AKAP6: variants seen among roughly 807,000 people sequenced by gnomAD.
AKAP6 encodes the protein A-kinase anchor protein 6.
In AKAP6, 58 loss-of-function variants were observed where a neutral mutation model predicts 188.5. That is an observed-to-expected ratio of 0.31 (90% CI 0.25 to 0.38). The LOEUF (loss-of-function observed/expected upper bound fraction) is 0.38. AKAP6 is among the 10% of genes least tolerant of loss of function. The pLI, the probability that AKAP6 is intolerant of heterozygous loss-of-function variation, is 1.00. For missense variants in AKAP6, 2,710 were observed against 2,740.0 expected, an observed-to-expected ratio of 0.99 and a Z score of 0.24; for synonymous variants, 989 against 998.6, an observed-to-expected ratio of 0.99 and a Z score of 0.18.
At chr14:32,690,546 A>G (rs1890135192) in intron 8 of AKAP6, among the ~76,000 whole-genome samples, 1 of 152,128 alleles carries the variant, frequency 6.6e-6, no homozygotes, top group Non-Finnish European at 1.5e-5. Flanking sequence ...TATTTATAAA[A>G]GCCCTGGAAT....
intron 3 of AKAP6, among the ~76,000 whole-genome samples, chr14:32,537,929 A>G (rs1882759494): frequency 1.3e-5 from 2 of 152,228 alleles, no homozygotes; most frequent in South Asian, 4.1e-4. Flanking sequence ...ATCTATTCTC[A>G]CAACACGAAC....
chr14:32,475,719 C>T (rs1300847407), intron 2 of AKAP6, among the ~76,000 whole-genome samples: 1 of 149,078 alleles, frequency 6.7e-6, no homozygotes, highest in Non-Finnish European at 1.5e-5. Context: ...CGCTGTGTCA[C>T]CCAGGCTGGA....
chr14:32,807,242 C>T (rs749185708), intron 12 of AKAP6, among the ~76,000 whole-genome samples: 7 of 151,146 alleles, frequency 4.6e-5, no homozygotes, highest in Non-Finnish European at 7.4e-5. Context: ...GAGAAGATTG[C>T]CTGAGTGCAG....
intron 1 of AKAP6, among the ~76,000 whole-genome samples, chr14:32,367,770 C>T (rs1379052289): frequency 6.6e-6 from 1 of 152,136 alleles, no homozygotes; most frequent in African/African-American, 2.4e-5. Flanking sequence ...TGCACTGGGG[C>T]CTTTTTTGGA....
chr14:32,452,012 T>A (rs1890953623), intron 2 of AKAP6, among the ~76,000 whole-genome samples: 1 of 13,788 alleles, frequency 7.3e-5, no homozygotes, highest in Non-Finnish European at 1.4e-4. Context: ...TTTCTTTACA[T>A]TTTTTTTTTT....
chr14:32,585,181 C>T (rs574918005), intron 5 of AKAP6, among the ~76,000 whole-genome samples: 3 of 152,266 alleles, frequency 2.0e-5, no homozygotes, highest in South Asian at 4.1e-4. Flanking sequence ...AGTTGTTATG[C>T]ATACCTAATT....
At chr14:32,729,564 G>A (rs983214678) in intron 9 of AKAP6, among the ~76,000 whole-genome samples, 2 of 152,026 alleles carry the variant, frequency 1.3e-5, no homozygotes, top group African/African-American at 4.8e-5. Flanking sequence ...ACACAGGGAT[G>A]GCATTTAGAA....
chr14:32,425,650 AGG>A (rs1890005117), intron 1 of AKAP6, among the ~76,000 whole-genome samples: 2 of 151,914 alleles, frequency 1.3e-5, no homozygotes, highest in African/African-American at 4.8e-5. Context: ...AGAGGAAGGA[AGG>A]AAGGAAGGAA....
chr14:32,817,130 G>C (rs6571558), intron 12 of AKAP6, among the ~76,000 whole-genome samples: 124,684 of 151,970 alleles, frequency 0.82, 51,767 homozygotes, highest in South Asian at 0.92. Context: ...TACTCTTTAG[G>C]TAATAAAGTA....
intron 2 of AKAP6, among the ~76,000 whole-genome samples, chr14:32,446,526 C>T (rs977818538): frequency 2.0e-5 from 3 of 151,724 alleles, no homozygotes; most frequent in Non-Finnish European, 4.4e-5. Context: ...TTTATTTTTA[C>T]TATCATAGAT....
chr14:32,728,833 C>A (rs1555356609), intron 9 of AKAP6, among the ~76,000 whole-genome samples: 1 of 152,002 alleles, frequency 6.6e-6, no homozygotes, highest in East Asian at 1.9e-4. Context: ...TTTCTTTCCT[C>A]TTCTGAAGTT....
intron 12 of AKAP6, among the ~76,000 whole-genome samples, chr14:32,798,589 G>A (rs2033845515): frequency 6.6e-6 from 1 of 152,170 alleles, no homozygotes; most frequent in African/African-American, 2.4e-5. Context: ...AATGGAACTG[G>A]AGACCATTAC....
intron 12 of AKAP6, 126 bp downstream of exon 12, chr14:32,774,019 A>G (rs761480286): frequency 9.7e-7 from 1 of 1,034,508 alleles, no homozygotes; most frequent in South Asian, 1.4e-5. Context: ...TGGTTTTGCC[A>G]TCTTACAAGT....
At chr14:32,676,747 C>A (rs890974147) in intron 7 of AKAP6, among the ~76,000 whole-genome samples, 6 of 152,178 alleles carry the variant, frequency 3.9e-5, no homozygotes, top group Non-Finnish European at 1.5e-5. Context: ...TCTTTCTCAG[C>A]AAACCAGAGC....
At chr14:32,646,415 GC>G (rs1205428366) in intron 7 of AKAP6, among the ~76,000 whole-genome samples, 1 of 152,048 alleles carries the variant, frequency 6.6e-6, no homozygotes, top group Non-Finnish European at 1.5e-5. Context: ...TTTAGGCTAA[GC>G]AACTGTGTAG....
chr14:32,795,167 A>G (rs2033729021), intron 12 of AKAP6, among the ~76,000 whole-genome samples: 1 of 152,202 alleles, frequency 6.6e-6, no homozygotes, highest in African/African-American at 2.4e-5. Context: ...AAAAAAGCCC[A>G]GGACCATTTG....
intron 12 of AKAP6, among the ~76,000 whole-genome samples, chr14:32,821,155 A>C (rs1209284103): frequency 1.3e-5 from 2 of 152,248 alleles, no homozygotes; most frequent in Non-Finnish European, 2.9e-5. Flanking sequence ...ACAATTTGAC[A>C]ATAATAATCT....
intron 1 of AKAP6, among the ~76,000 whole-genome samples, chr14:32,354,844 T>C (rs1887425681): frequency 6.6e-6 from 1 of 152,318 alleles, no homozygotes; most frequent in Middle Eastern, 3.4e-3. Context: ...GTTTGCCTAG[T>C]GTCCTTTTGC....
chr14:32,822,690 G>A lies in AKAP6; in HGVS notation c.4877G>A (p.Gly1626Asp), dbSNP rs1163728613. ...GDISVSSGSV[G>D]ELSKRTLDLL... is the part of the protein sequence containing the mutation. ...ATAAGCGTGAGCAGTGGCTCAGTTG[G>A]TGAACTAAGTAAAAGAACATTAGAT... The change falls in exon 13 of 14, where the codon GGT becomes GAT. Residue 1626 changes from glycine to aspartate, a missense_variant. Physicochemically the swap from Gly to Asp is moderately conservative, Grantham distance 94. Transcript: ENST00000280979. 2 of 1,613,960 alleles carry A rather than the reference G, an allele frequency of 1.2e-6. No homozygotes were observed. Among genetic ancestry groups the A allele is most frequent in the Non-Finnish European group, 1.7e-6 (2 of 1,179,938 alleles).
Sources: gnomAD v4.1 joint callset for allele counts (sites outside exome capture counted in the v4.1 genomes callset) on GRCh38, gnomAD v4.1.1 for gene constraint, MANE v1.5 for transcripts, NCBI Gene and HGNC (gene_info 2026-07-23, HGNC 2026-07-21) for gene names.